Variants in SPMIP2 observed in about 807,000 individuals in gnomAD.
SPMIP2 encodes the protein protein SPMIP2.
the SPMIP2 span, among the ~76,000 whole-genome samples, chr4:159,054,662 A>C: frequency 1.3e-5 from 2 of 152,138 alleles, no homozygotes; most frequent in Non-Finnish European, 2.9e-5. Flanking sequence ...GGCGCTACAC[A>C]CAAAATGGAA....
the SPMIP2 span, among the ~76,000 whole-genome samples, chr4:158,902,034 G>A: frequency 1.3e-5 from 2 of 151,938 alleles, no homozygotes; most frequent in African/African-American, 4.8e-5. Flanking sequence ...TCCCTTGCTG[G>A]TGAGGAGCTG....
At chr4:158,932,074 G>A in the SPMIP2 span, among the ~76,000 whole-genome samples, 1 of 152,046 alleles carries the variant, frequency 6.6e-6, no homozygotes, top group Admixed American at 6.5e-5. Context: ...TGGATAGATT[G>A]AGGCCAGGAG....
the SPMIP2 span, among the ~76,000 whole-genome samples, chr4:158,940,248 A>G: frequency 2.6e-5 from 4 of 152,050 alleles, no homozygotes; most frequent in African/African-American, 9.7e-5. Context: ...TGATCCCACA[A>G]TTAGGAGGGA....
At chr4:158,947,047 A>G in the SPMIP2 span, among the ~76,000 whole-genome samples, 1 of 152,056 alleles carries the variant, frequency 6.6e-6, no homozygotes, top group Non-Finnish European at 1.5e-5. Flanking sequence ...GCTGAAGGAG[A>G]GCTGAGGGAG....
the SPMIP2 span, among the ~76,000 whole-genome samples, chr4:158,976,513 G>T: frequency 6.6e-6 from 1 of 151,970 alleles, no homozygotes; most frequent in African/African-American, 2.4e-5. Context: ...TGAATTTTAT[G>T]GAAGGCCTTT....
At chr4:158,985,757 C>T in the SPMIP2 span, among the ~76,000 whole-genome samples, 2 of 152,080 alleles carry the variant, frequency 1.3e-5, no homozygotes, top group African/African-American at 4.8e-5. Flanking sequence ...CACTCCTATT[C>T]AACATACTGT....
At chr4:158,986,653 T>C in the SPMIP2 span, among the ~76,000 whole-genome samples, 3 of 152,154 alleles carry the variant, frequency 2.0e-5, no homozygotes, top group Non-Finnish European at 2.9e-5. Context: ...AAGTCTTAAA[T>C]ATTAGACCTA....
the SPMIP2 span, among the ~76,000 whole-genome samples, chr4:159,046,760 A>G: frequency 5.9e-5 from 9 of 152,170 alleles, no homozygotes; most frequent in African/African-American, 2.2e-4. Flanking sequence ...TTTAGAAGAG[A>G]CGGGCTTTCA....
At chr4:159,010,013 A>C in the SPMIP2 span, among the ~76,000 whole-genome samples, 7 of 152,252 alleles carry the variant, frequency 4.6e-5, 1 homozygote, top group Admixed American at 3.3e-4. Context: ...AAACAAAAAC[A>C]AAAAACAAAA....
chr4:158,948,690 G>T, the SPMIP2 span, among the ~76,000 whole-genome samples: 33 of 151,674 alleles, frequency 2.2e-4, no homozygotes, highest in East Asian at 6.0e-3. Context: ...TTGACTCATG[G>T]CAGCTTCGAT....
the SPMIP2 span, chr4:159,007,539 A>C: frequency 9.8e-7 from 1 of 1,016,242 alleles, no homozygotes; most frequent in East Asian, 3.2e-5. Flanking sequence ...TGGGGTAGCA[A>C]TCCAGGAGAA....
At chr4:158,996,707 T>G in the SPMIP2 span, among the ~76,000 whole-genome samples, 1 of 152,136 alleles carries the variant, frequency 6.6e-6, no homozygotes, top group South Asian at 2.1e-4. Flanking sequence ...CCAGTTCCCC[T>G]TGAGGTCCCA....
At chr4:158,927,710 G>A in the SPMIP2 span, among the ~76,000 whole-genome samples, 8 of 152,238 alleles carry the variant, frequency 5.3e-5, no homozygotes, top group Admixed American at 1.3e-4. Flanking sequence ...AGGGAGAGGC[G>A]CCAGTGGGAA....
the SPMIP2 span, among the ~76,000 whole-genome samples, chr4:159,043,769 C>G: frequency 0.019 from 2,894 of 152,316 alleles, 103 homozygotes; most frequent in African/African-American, 0.067. Flanking sequence ...CCTCTTCACC[C>G]AGCTTCCTGA....
At chr4:159,020,759 G>A in the SPMIP2 span, among the ~76,000 whole-genome samples, 3 of 152,022 alleles carry the variant, frequency 2.0e-5, no homozygotes, top group South Asian at 2.1e-4. Flanking sequence ...TTTTGTCGTT[G>A]TTGTTGTTGT....
At chr4:158,904,013 T>C in the SPMIP2 span, among the ~76,000 whole-genome samples, 2 of 152,242 alleles carry the variant, frequency 1.3e-5, no homozygotes, top group Admixed American at 6.5e-5. Flanking sequence ...AAATTCCCAA[T>C]GTTTTTTAAG....
the SPMIP2 span, among the ~76,000 whole-genome samples, chr4:159,005,069 A>G: frequency 6.6e-6 from 1 of 152,000 alleles, no homozygotes; most frequent in African/African-American, 2.4e-5. Context: ...CATCTCTACT[A>G]AAAATACAAA....
chr4:159,031,784 T>C, the SPMIP2 span, among the ~76,000 whole-genome samples: 6 of 152,184 alleles, frequency 3.9e-5, no homozygotes, highest in Admixed American at 1.3e-4. Flanking sequence ...TGTGGCAAAA[T>C]TTTGATAAAT....
chr4:159,044,124 C>T, the SPMIP2 span, among the ~76,000 whole-genome samples: 1 of 151,872 alleles, frequency 6.6e-6, no homozygotes, highest in Non-Finnish European at 1.5e-5. Context: ...GATTTTTAAA[C>T]TTAATCATTT....
Sources: gnomAD v4.1 joint callset for allele counts (sites outside exome capture counted in the v4.1 genomes callset) on GRCh38, gnomAD v4.1.1 for gene constraint, MANE v1.5 for transcripts, NCBI Gene and HGNC (gene_info 2026-07-23, HGNC 2026-07-21) for gene names.